LRMDA: variants seen among roughly 807,000 people sequenced by gnomAD.
LRMDA encodes the protein leucine rich melanocyte differentiation associated.
In LRMDA, 18 loss-of-function variants were observed where a neutral mutation model predicts 29.8. The ratio of observed to expected loss-of-function variants is 0.60; its 90% CI spans 0.42 to 0.90. The LOEUF is 0.90. LRMDA is among the 40% of genes least tolerant of loss of function. The pLI is 0.00. For missense variants in LRMDA, 273 were observed against 273.9 expected, an observed-to-expected ratio of 1.00 and a Z score of 0.02; for synonymous variants, 125 against 109.4, an observed-to-expected ratio of 1.14 and a Z score of -0.89.
At chr10:76,295,213 A>C (rs1160677056) in intron 5 of LRMDA, among the ~76,000 whole-genome samples, 1 of 152,220 alleles carries the variant, frequency 6.6e-6, no homozygotes, top group Non-Finnish European at 1.5e-5. Context: ...GGATCTTATT[A>C]AACAAAATGA....
intron 2 of LRMDA, among the ~76,000 whole-genome samples, chr10:75,622,283 G>A (rs530708485): frequency 2.0e-5 from 3 of 149,320 alleles, no homozygotes; most frequent in African/African-American, 7.4e-5. Context: ...GAAATTAATG[G>A]TGTTTTATAA....
chr10:76,033,466 G>A (rs578223913), intron 2 of LRMDA, among the ~76,000 whole-genome samples: 1 of 152,266 alleles, frequency 6.6e-6, no homozygotes, highest in East Asian at 1.9e-4. Flanking sequence ...GGGAAGAAAG[G>A]CTGGCTGGAT....
intron 6 of LRMDA, among the ~76,000 whole-genome samples, chr10:76,383,731 A>T (rs1589160326): frequency 6.6e-6 from 1 of 151,968 alleles, no homozygotes; most frequent in East Asian, 1.9e-4. Flanking sequence ...CGCCCGGCCC[A>T]CCAATGTCTT....
At chr10:76,337,484 A>G (rs978711452) in intron 6 of LRMDA, among the ~76,000 whole-genome samples, 1 of 152,160 alleles carries the variant, frequency 6.6e-6, no homozygotes, top group African/African-American at 2.4e-5. Context: ...AATGTCTGAG[A>G]GAAAAGTGGT....
chr10:75,441,126 C>T (rs894514846), intron 2 of LRMDA, among the ~76,000 whole-genome samples: 2 of 152,166 alleles, frequency 1.3e-5, no homozygotes, highest in African/African-American at 2.4e-5. Context: ...AACTTACCTT[C>T]CAAATGAGTG....
At chr10:75,630,323 C>T (rs1415596158) in intron 2 of LRMDA, among the ~76,000 whole-genome samples, 2 of 152,224 alleles carry the variant, frequency 1.3e-5, no homozygotes, top group Admixed American at 1.3e-4. Flanking sequence ...GCTTCCCTCT[C>T]CACTCTTTGA....
At chr10:75,793,737 C>T (rs1344369498) in intron 2 of LRMDA, among the ~76,000 whole-genome samples, 1 of 152,178 alleles carries the variant, frequency 6.6e-6, no homozygotes, top group Non-Finnish European at 1.5e-5. Flanking sequence ...TAGCATCGTT[C>T]CAGATAGAGT....
intron 2 of LRMDA, among the ~76,000 whole-genome samples, chr10:75,738,389 A>G (rs772215237): frequency 6.6e-6 from 1 of 152,132 alleles, no homozygotes; most frequent in Non-Finnish European, 1.5e-5. Context: ...TCCCTGCCTC[A>G]CTATTGGACT....
chr10:76,129,057 C>T (rs931567426), intron 5 of LRMDA, among the ~76,000 whole-genome samples: 1 of 152,188 alleles, frequency 6.6e-6, no homozygotes, highest in African/African-American at 2.4e-5. Context: ...ATCTCCCACT[C>T]CTCATGGTTC....
At chr10:76,490,986 A>G (rs767171675) in intron 6 of LRMDA, among the ~76,000 whole-genome samples, 3 of 151,970 alleles carry the variant, frequency 2.0e-5, no homozygotes, top group Non-Finnish European at 4.4e-5. Context: ...TGCAAATAAT[A>G]TCTTATAACT....
At chr10:76,385,374 T>C (rs11001763) in intron 6 of LRMDA, among the ~76,000 whole-genome samples, 51,509 of 152,114 alleles carry the variant, frequency 0.34, 12,781 homozygotes, top group African/African-American at 0.69. Flanking sequence ...GTAATGTTCA[T>C]AGCGTTGTTT....
chr10:75,929,295 A>ATGTGAGTGTGTGTG (rs1554834928), intron 2 of LRMDA, among the ~76,000 whole-genome samples: 19 of 151,004 alleles, frequency 1.3e-4, no homozygotes, highest in African/African-American at 3.2e-4. Flanking sequence ...TGCATGATCT[A>ATGTGAGTGTGTGTG]TGTGTGTGTG....
intron 2 of LRMDA, chr10:75,451,726 A>G (rs1844463946): frequency 2.0e-5 from 3 of 152,148 alleles, no homozygotes; most frequent in Middle Eastern, 3.4e-3. Flanking sequence ...TTCTAAGGGG[A>G]AAAAAAGAAA....
At chr10:76,054,267 C>T (rs1031313177) in intron 4 of LRMDA, among the ~76,000 whole-genome samples, 1 of 152,104 alleles carries the variant, frequency 6.6e-6, no homozygotes, top group Non-Finnish European at 1.5e-5. Context: ...AAGCAGCAAC[C>T]ACTTGGAAAC....
At chr10:76,551,311 G>T (rs182949786) in intron 6 of LRMDA, among the ~76,000 whole-genome samples, 1 of 152,310 alleles carries the variant, frequency 6.6e-6, no homozygotes, top group Admixed American at 6.5e-5. Flanking sequence ...TATTTTCAGA[G>T]TGTTTCAAAT....
chr10:76,231,387 A>G (rs766914884), intron 5 of LRMDA, among the ~76,000 whole-genome samples: 4 of 152,256 alleles, frequency 2.6e-5, no homozygotes, highest in Non-Finnish European at 4.4e-5. Flanking sequence ...TCAAAGGGCT[A>G]GAAGATTGCT....
intron 5 of LRMDA, among the ~76,000 whole-genome samples, chr10:76,116,050 C>G (rs1021869272): frequency 6.6e-6 from 1 of 152,120 alleles, no homozygotes; most frequent in African/African-American, 2.4e-5. Flanking sequence ...GGTTTATGTT[C>G]TGAGATGGAA....
At chr10:75,750,759 G>A (rs1341191261) in intron 2 of LRMDA, among the ~76,000 whole-genome samples, 2 of 151,466 alleles carry the variant, frequency 1.3e-5, no homozygotes, top group Non-Finnish European at 2.9e-5. Flanking sequence ...CAGACGATGG[G>A]CGGCCAGGCA....
intron 6 of LRMDA, among the ~76,000 whole-genome samples, chr10:76,334,490 G>C (rs1460716393): frequency 6.6e-6 from 1 of 152,176 alleles, no homozygotes; most frequent in Non-Finnish European, 1.5e-5. Context: ...AAATGATGAC[G>C]TTGTTGGCTG....
Sources: allele counts gnomAD v4.1 joint callset (sites outside exome capture counted in the v4.1 genomes callset), GRCh38; gene constraint gnomAD v4.1.1; transcripts MANE v1.5; gene names NCBI Gene and HGNC (gene_info 2026-07-23, HGNC 2026-07-21).